Variants in SLC1A4 observed in about 807,000 individuals in gnomAD.
The protein encoded by SLC1A4 is solute carrier family 1 member 4.
In SLC1A4, 19 loss-of-function variants were observed where a neutral mutation model predicts 37.7. The observed-to-expected ratio is 0.50, with a 90% confidence interval of 0.35 to 0.74. The LOEUF (loss-of-function observed/expected upper bound fraction) is 0.74. SLC1A4 is among the 30% of genes least tolerant of loss of function. SLC1A4 has a pLI of 0.01. For synonymous variants in SLC1A4, 299 were observed against 309.8 expected (o/e 0.97, Z 0.37); for missense variants, 570 against 712.9 (o/e 0.80, Z 2.28).
chr2:64,994,890 C>T (rs1280578979), intron 1 of SLC1A4: 2 of 152,128 alleles, frequency 1.3e-5, no homozygotes, highest in East Asian at 1.9e-4. Flanking sequence ...ATATTAGCCA[C>T]CAGATGGCAA....
intron 1 of SLC1A4, among the ~76,000 whole-genome samples, chr2:64,993,179 T>C (rs572879198): frequency 1.3e-5 from 2 of 151,984 alleles, no homozygotes; most frequent in Non-Finnish European, 2.9e-5. Flanking sequence ...CCTGGAAGAG[T>C]GGGAAAGGCC....
chr2:65,005,348 T>C (rs1416613121), intron 3 of SLC1A4, among the ~76,000 whole-genome samples: 1 of 152,238 alleles, frequency 6.6e-6, no homozygotes, highest in Admixed American at 6.5e-5. Context: ...CCCTAGTGAA[T>C]GATATCCCCC....
upstream of SLC1A4, among the ~76,000 whole-genome samples, chr2:64,988,805 C>A (rs7605452): frequency 0.15 from 23,087 of 152,144 alleles, 1,765 homozygotes; most frequent in East Asian, 0.22. Context: ...GGCAGGACCG[C>A]CCCGGGCCCC....
chr2:65,007,912 A>G (rs1314140097), intron 3 of SLC1A4, among the ~76,000 whole-genome samples: 1 of 152,208 alleles, frequency 6.6e-6, no homozygotes, highest in African/African-American at 2.4e-5. Flanking sequence ...GAACTATCAA[A>G]CACTAAGTGT....
At chr2:64,994,717 C>G (rs1346683313) in intron 1 of SLC1A4, 1 of 151,718 alleles carries the variant, frequency 6.6e-6, no homozygotes, top group Non-Finnish European at 1.5e-5. Context: ...AAAAAACTAT[C>G]AGAGACTGAG....
chr2:65,009,354 C>T (rs1279125562), intron 3 of SLC1A4, among the ~76,000 whole-genome samples: 1 of 140,166 alleles, frequency 7.1e-6, no homozygotes, highest in Non-Finnish European at 1.5e-5. Flanking sequence ...GCCTGGGGAA[C>T]AAGAGCGAAA....
rs1283594276 is a variant in SLC1A4, at chr2:65,001,368, C to T, written c.528-80C>T. The T allele has an allele frequency of 1.3e-5, 18 of 1,338,384 alleles. 1 individual carries two copies. The South Asian group carries it at 2.1e-4, about 16-fold the overall frequency. 82.9% of individuals were successfully genotyped at this position (1,338,384 alleles called of 1,614,324 possible). On this transcript the variant is annotated intron_variant, in intron 1 of 7. Coordinates refer to ENST00000234256, the MANE Select transcript of SLC1A4 (RefSeq NM_003038.5). ...AGTGAGCTGCAATCACACCACTGCA[C>T]TCCAGCCTGGGCAACAGGGACCTCA... is the stretch of plus-strand genomic sequence containing the variant.
intron 1 of SLC1A4, among the ~76,000 whole-genome samples, chr2:64,999,207 G>A (rs183523293): frequency 4.7e-4 from 71 of 152,334 alleles, no homozygotes; most frequent in African/African-American, 1.5e-3. Context: ...AAATATAGCT[G>A]TGATAAGAAT....
chr2:64,996,130 C>T (rs963011783), intron 1 of SLC1A4, among the ~76,000 whole-genome samples: 3 of 152,136 alleles, frequency 2.0e-5, no homozygotes, highest in African/African-American at 2.4e-5. Context: ...AGGTTTCACA[C>T]GTTTTTAATT....
chr2:65,010,250 A>G (rs1042666612), intron 3 of SLC1A4, among the ~76,000 whole-genome samples: 6 of 152,152 alleles, frequency 3.9e-5, no homozygotes, highest in African/African-American at 9.7e-5. Flanking sequence ...CTTTTGACTA[A>G]CCAGCTCTTC....
In SLC1A4 at chr2:65,022,603, T is replaced by C. The variant is rs534271716; in HGVS notation, c.*1457T>C. ...GTCCTTTCTGCTGGTGAGGACAGCA[T>C]TTCTGAGCAGGGCTTTGTTCTCTAT... On this transcript the variant is annotated 3_prime_UTR_variant, in exon 8 of 8. Coordinates refer to ENST00000234256, the MANE Select transcript of SLC1A4 (RefSeq NM_003038.5). 2 of 137,086 alleles carry C rather than the reference T, an allele frequency of 1.5e-5. No individual in the cohort carries two copies. Among genetic ancestry groups the C allele is most frequent in the African/African-American group, 5.3e-5 (2 of 37,586 alleles). 8.5% of individuals were successfully genotyped at this position (137,086 alleles called of 1,614,324 possible).
At chr2:65,017,107 C>T (rs1017883154) in intron 5 of SLC1A4, among the ~76,000 whole-genome samples, 4 of 152,210 alleles carry the variant, frequency 2.6e-5, no homozygotes, top group Non-Finnish European at 4.4e-5. Context: ...GGGTCCCTCA[C>T]CCTAATTAGG....
At chr2:65,003,531 G>A (rs898776021) in intron 2 of SLC1A4, among the ~76,000 whole-genome samples, 4 of 152,036 alleles carry the variant, frequency 2.6e-5, no homozygotes, top group African/African-American at 9.7e-5. Flanking sequence ...AACAAAGTGG[G>A]GCATAAATAA....
intron 4 of SLC1A4, among the ~76,000 whole-genome samples, chr2:65,015,382 A>G (rs1449525354): frequency 6.6e-6 from 1 of 152,202 alleles, no homozygotes; most frequent in Non-Finnish European, 1.5e-5. Flanking sequence ...TATTGATATG[A>G]AAAGATTTCA....
intron 4 of SLC1A4, among the ~76,000 whole-genome samples, chr2:65,015,535 T>C (rs1017874025): frequency 3.9e-5 from 6 of 152,228 alleles, no homozygotes; most frequent in African/African-American, 2.4e-5. Context: ...TGGTGTCATC[T>C]ACGTTTTAAT....
At chr2:64,998,711 G>A (rs2103641753) in intron 1 of SLC1A4, among the ~76,000 whole-genome samples, 1 of 152,310 alleles carries the variant, frequency 6.6e-6, no homozygotes, top group East Asian at 1.9e-4. Context: ...TTGCTTGTAT[G>A]AAAAGATTGG....
intron 1 of SLC1A4, among the ~76,000 whole-genome samples, chr2:64,995,815 T>C (rs1432591650): frequency 1.3e-5 from 2 of 152,198 alleles, no homozygotes; most frequent in Non-Finnish European, 2.9e-5. Flanking sequence ...AAAAGTAAAT[T>C]GTTTTACATT....
In SLC1A4 at chr2:65,022,017, A is replaced by C. The variant is rs1674447797; in HGVS notation, c.*871A>C. 1 of 152,286 alleles carries C rather than the reference A, an allele frequency of 6.6e-6. No individual in the cohort carries two copies. Among genetic ancestry groups the C allele is most frequent in the Non-Finnish European group, 1.5e-5 (1 of 68,060 alleles). The allele number at this position is 152,286 out of a possible 1,614,324, so 9.4% of individuals were successfully genotyped here. ...TCACGCTGATTTGGCAAAAGGCCAG[A>C]GATGGGCCTCCTTCCCTGGGGAGGT... On this transcript the variant is annotated 3_prime_UTR_variant, in exon 8 of 8. Coordinates refer to ENST00000234256, the MANE Select transcript of SLC1A4 (RefSeq NM_003038.5).
At chr2:65,012,379 G>T (rs1429675503) in intron 4 of SLC1A4, among the ~76,000 whole-genome samples, 1 of 152,114 alleles carries the variant, frequency 6.6e-6, no homozygotes, top group African/African-American at 2.4e-5. Flanking sequence ...ATGAGCCACC[G>T]CGCCCAGCCT....
Sources: allele counts gnomAD v4.1 joint callset (sites outside exome capture counted in the v4.1 genomes callset), GRCh38; gene constraint gnomAD v4.1.1; transcripts MANE v1.5; gene names NCBI Gene and HGNC (gene_info 2026-07-23, HGNC 2026-07-21).